Variants in C1QTNF3 observed in about 807,000 individuals in gnomAD.
The protein encoded by C1QTNF3 is C1q and TNF related 3.
A neutral mutation model predicts 32.6 loss-of-function variants in C1QTNF3; 26 were observed. That is an observed-to-expected ratio of 0.80 (90% confidence interval 0.58 to 1.11). C1QTNF3 has a LOEUF of 1.11. Ranked by LOEUF, C1QTNF3 falls within the 50% of genes least tolerant of loss-of-function variation. The pLI, the probability that C1QTNF3 is intolerant of heterozygous loss-of-function variation, is 0.00. For missense variants in C1QTNF3, 362 were observed against 398.2 expected (o/e 0.91, Z 0.77); for synonymous variants, 155 against 146.0 (o/e 1.06, Z -0.44).
At chr5:34,047,112 G>T (rs1017146585), upstream of C1QTNF3, among the ~76,000 whole-genome samples, 12 of 152,150 alleles carry the variant, frequency 7.9e-5, no homozygotes, top group Non-Finnish European at 1.5e-4. Flanking sequence ...TCTGCCCCAG[G>T]CAACCTCCCT....
At chr5:34,158,417 TTTTTC>T in the C1QTNF3 span, 1 of 152,086 alleles carries the variant, frequency 6.6e-6, no homozygotes, top group Admixed American at 6.6e-5. Flanking sequence ...AAGCCTGCTC[TTTTTC>T]AGGTGGCCAA....
At chr5:34,173,050 C>T in the C1QTNF3 span, among the ~76,000 whole-genome samples, 3 of 152,204 alleles carry the variant, frequency 2.0e-5, no homozygotes, top group Admixed American at 2.0e-4. Context: ...CATATGTATA[C>T]TTTTGCACTA....
the C1QTNF3 span, among the ~76,000 whole-genome samples, chr5:34,138,331 T>C: frequency 6.6e-6 from 1 of 152,246 alleles, no homozygotes; most frequent in East Asian, 1.9e-4. Context: ...CTGGTACCTA[T>C]TACCTTATAT....
the C1QTNF3 span, among the ~76,000 whole-genome samples, chr5:34,145,128 C>CA: frequency 1.3e-5 from 2 of 151,608 alleles, no homozygotes; most frequent in Admixed American, 6.6e-5. Flanking sequence ...GACTCCATCT[C>CA]AAAAAATAAA....
the C1QTNF3 span, among the ~76,000 whole-genome samples, chr5:34,103,584 C>T: frequency 7.7e-6 from 1 of 130,428 alleles, no homozygotes; most frequent in Admixed American, 7.8e-5. Flanking sequence ...TTTGGGAGGC[C>T]GAGGTGGGAG....
intron 4 of C1QTNF3, 147 bp downstream of exon 4, chr5:34,028,607 T>C (rs1754535109): frequency 1.5e-6 from 1 of 664,966 alleles, no homozygotes; most frequent in Admixed American, 3.8e-5. Flanking sequence ...AATAACTACC[T>C]TAATGTCATT....
At chr5:34,172,213 T>C in the C1QTNF3 span, among the ~76,000 whole-genome samples, 2 of 152,092 alleles carry the variant, frequency 1.3e-5, no homozygotes, top group African/African-American at 2.4e-5. Context: ...TTTCTATACA[T>C]ACATAGCTAT....
chr5:34,142,585 A>G, the C1QTNF3 span, among the ~76,000 whole-genome samples: 2 of 152,148 alleles, frequency 1.3e-5, no homozygotes, highest in Non-Finnish European at 2.9e-5. Context: ...AAGACAAAGG[A>G]GCTGTGTGAC....
the C1QTNF3 span, among the ~76,000 whole-genome samples, chr5:34,233,956 T>C: frequency 6.6e-6 from 1 of 152,174 alleles, no homozygotes; most frequent in African/African-American, 2.4e-5. Context: ...ATAAGACTTT[T>C]TACATTTTGC....
At chr5:34,195,512 C>G in the C1QTNF3 span, among the ~76,000 whole-genome samples, 3 of 151,794 alleles carry the variant, frequency 2.0e-5, no homozygotes, top group Admixed American at 6.6e-5. Context: ...AGCCTATTAC[C>G]ATCTGCTACA....
chr5:34,046,880 G>T (rs1754993562), upstream of C1QTNF3, among the ~76,000 whole-genome samples: 1 of 152,086 alleles, frequency 6.6e-6, no homozygotes, highest in Non-Finnish European at 1.5e-5. Flanking sequence ...GTAGAAAACT[G>T]GGCCAGAGAG....
chr5:34,076,348 G>A, the C1QTNF3 span, among the ~76,000 whole-genome samples: 1 of 151,466 alleles, frequency 6.6e-6, no homozygotes, highest in Non-Finnish European at 1.5e-5. Context: ...AGTGCTTAAT[G>A]AGCCAAGCTA....
the C1QTNF3 span, chr5:34,124,110 T>C: frequency 2.5e-4 from 57 of 223,732 alleles, no homozygotes; most frequent in Non-Finnish European, 4.0e-4. Context: ...TGCTCCCTTA[T>C]TATAAAATAT....
chr5:34,156,192 T>G, the C1QTNF3 span, among the ~76,000 whole-genome samples: 1 of 152,164 alleles, frequency 6.6e-6, no homozygotes, highest in African/African-American at 2.4e-5. Context: ...TGCCTCTGCC[T>G]CCCCAGTGGC....
At chr5:34,067,727 C>T in the C1QTNF3 span, among the ~76,000 whole-genome samples, 2 of 152,106 alleles carry the variant, frequency 1.3e-5, no homozygotes, top group Admixed American at 6.5e-5. Flanking sequence ...GGATTTTCTT[C>T]AAACATCTAG....
the C1QTNF3 span, among the ~76,000 whole-genome samples, chr5:34,095,229 T>C: frequency 6.6e-6 from 1 of 152,104 alleles, no homozygotes; most frequent in African/African-American, 2.4e-5. Flanking sequence ...CCAACTTCTC[T>C]TCATCTCCTC....
the C1QTNF3 span, among the ~76,000 whole-genome samples, chr5:34,243,751 G>A: frequency 1.3e-5 from 2 of 151,608 alleles, no homozygotes; most frequent in African/African-American, 2.4e-5. Context: ...CTTATAAGTG[G>A]AACCTAAACA....
chr5:34,081,576 C>T, the C1QTNF3 span, among the ~76,000 whole-genome samples: 2 of 150,952 alleles, frequency 1.3e-5, no homozygotes, highest in African/African-American at 4.9e-5. Flanking sequence ...TAGGTGATCG[C>T]CCCAAAATAA....
the C1QTNF3 span, among the ~76,000 whole-genome samples, chr5:34,112,741 G>A: frequency 3.3e-5 from 5 of 152,220 alleles, no homozygotes; most frequent in East Asian, 1.9e-4. Flanking sequence ...GATCCTTTCC[G>A]CTGAGCTTAG....
Sources: allele counts gnomAD v4.1 joint callset (sites outside exome capture counted in the v4.1 genomes callset), GRCh38; gene constraint gnomAD v4.1.1; transcripts MANE v1.5; gene names NCBI Gene and HGNC (gene_info 2026-07-23, HGNC 2026-07-21).